ATG2A: variants seen among roughly 807,000 people sequenced by gnomAD.
ATG2A encodes the protein autophagy related 2A.
A neutral mutation model predicts 214.2 loss-of-function variants in ATG2A; 103 were observed. The ratio of observed to expected loss-of-function variants is 0.48; its 90% confidence interval spans 0.41 to 0.57. ATG2A has a LOEUF of 0.57. Ranked by LOEUF, ATG2A falls within the 20% of genes least tolerant of loss-of-function variation. The pLI is 0.00. For missense variants in ATG2A, 2,312 were observed against 2,613.2 expected (o/e 0.88, Z 2.51); for synonymous variants, 1,160 against 1,142.1 (o/e 1.02, Z -0.32).
At chr11:64,901,181 C>T in intron 29 of ATG2A, 89 bp from the exon 30 acceptor site, 1 of 1,318,796 alleles carries the variant, frequency 7.6e-7, no homozygotes, top group Non-Finnish European at 1.0e-6. Context: ...ACTTCTTTTT[C>T]ATTTTTTTTT....
In ATG2A at chr11:64,902,496, T is replaced by C. The variant is rs1407587853; in HGVS notation, c.3777+20A>G. On this transcript the variant is annotated intron_variant, in intron 27 of 40. Transcript: ENST00000377264. ...CCTGGCCGAGCTCTGGTAGCCTGTGTGGCCAGGCCTCACCTGTACCTTCTG... is the reference window on the plus strand; with the variant it reads ...CCTGGCCGAGCTCTGGTAGCCTGTGCGGCCAGGCCTCACCTGTACCTTCTG... The C allele has an allele frequency of 7.1e-7, 1 of 1,401,200 alleles. No homozygotes were observed. The highest frequency in any genetic ancestry group is 1.2e-5 in the South Asian group (1 of 81,650). The allele number at this position is 1,401,200 out of a possible 1,614,324, so 86.8% of individuals were successfully genotyped here. A position where few individuals can be genotyped will look rare whatever the true frequency, so the allele number is the denominator to read the frequency against.
intron 31 of ATG2A, among the ~76,000 whole-genome samples, chr11:64,899,648 C>T (rs1052114915): frequency 6.6e-5 from 10 of 152,088 alleles, no homozygotes; most frequent in South Asian, 2.1e-4. Context: ...ACACCCCATC[C>T]GCAGCTGAAC....
chr11:64,911,124 A>G lies in ATG2A; in HGVS notation c.1380T>C (p.Asp460=). 20 of 1,614,128 alleles carry G rather than the reference A, an allele frequency of 1.2e-5. No homozygotes were observed. Among genetic ancestry groups the G allele is most frequent in the Non-Finnish European group, 1.7e-5 (20 of 1,180,018 alleles). Residue 460 remains aspartate (D), a synonymous_variant, in exon 10 of 41, where the codon GAT becomes GAC. Coordinates refer to ENST00000377264, the MANE Select transcript of ATG2A (RefSeq NM_015104.3). The part of the protein sequence containing the change: ...DLATHFFTEF[D]ATKDGPFGSR... ...AACCGAAGGGCCCATCCTTGGTGGCATCAAACTCGGTGAAAAAGTGCGTGG... is the reference window on the plus strand; with the variant it reads ...AACCGAAGGGCCCATCCTTGGTGGCGTCAAACTCGGTGAAAAAGTGCGTGG...
intron 37 of ATG2A, 46 bp downstream of exon 37, chr11:64,897,366 G>A: frequency 6.5e-7 from 1 of 1,544,558 alleles, no homozygotes; most frequent in Non-Finnish European, 8.8e-7. Context: ...CAGAACAGAA[G>A]GAAGATCAGG....
Position 64,898,937 on chromosome 11 carries a change from A to G in ATG2A, c.4465-95T>C, listed in dbSNP as rs928846137. On this transcript the variant is annotated intron_variant, in intron 31 of 40. Transcript: ENST00000377264. This position sits in a 1 kb window ranked among gnomAD's most constrained non-coding sequence, Gnocchi z 4.5. ...CCCTTCTCTATTCTTTTTTTGAGAC[A>G]GAGTCTCACTCTGTCGCCCAGGTTG... The G allele has an allele frequency of 1.4e-5, 17 of 1,216,908 alleles. No individual in the cohort carries two copies. The highest frequency in any genetic ancestry group is 2.0e-5 in the Non-Finnish European group (17 of 869,720). The allele number at this position is 1,216,908 out of a possible 1,614,324, so 75.4% of individuals were successfully genotyped here.
In ATG2A at chr11:64,907,411, C is replaced by A; in HGVS notation, c.2676G>T (p.Ser892=). The A allele has an allele frequency of 6.3e-7, 1 of 1,588,686 alleles. No homozygotes were observed. Among genetic ancestry groups the A allele is most frequent in the East Asian group, 2.3e-5 (1 of 43,676 alleles). The change falls in exon 19 of 41, where the codon TCG becomes TCT. Residue 892 remains serine, a synonymous_variant. Coordinates refer to ENST00000377264, the MANE Select transcript of ATG2A (RefSeq NM_015104.3). The part of the protein sequence containing the change: ...LANCFDLTPD[S]DSDDEDAHFF... Reference sequence around the variant, plus strand: ...AGTGGGCATCCTCGTCATCCGAGTCCGAGTCTGGGGTGAGATCAAAGCAGT... The same window carrying A: ...AGTGGGCATCCTCGTCATCCGAGTCAGAGTCTGGGGTGAGATCAAAGCAGT...
rs891368075 is a variant in ATG2A at position 64,895,828 on chromosome 11, C to A, written c.5428-386G>T. On this transcript the variant is annotated intron_variant, in intron 39 of 40. Coordinates refer to ENST00000377264, the MANE Select transcript of ATG2A (RefSeq NM_015104.3). This position sits in a 1 kb window ranked among gnomAD's most constrained non-coding sequence, Gnocchi z 5.0. ...GATGGTCAGAGGCCCATCCTTCCTT[C>A]TGTCTGCCAGATCCTCTGCCCAGCA... Among the ~76,000 whole-genome samples, 5 of 152,140 alleles carry A rather than the reference C, an allele frequency of 3.3e-5. No homozygotes were observed. The highest frequency in any genetic ancestry group is 1.2e-4 in the African/African-American group (5 of 41,400).
At chr11:64,905,963 G>T in intron 22 of ATG2A, 115 bp from the exon 23 acceptor site, 2 of 1,371,472 alleles carry the variant, frequency 1.5e-6, no homozygotes, top group Non-Finnish European at 2.0e-6. Context: ...CTAGCTGTCT[G>T]CCACACCCCT....
At chr11:64,909,215 C>T in intron 15 of ATG2A, 56 bp downstream of exon 15, 2 of 1,610,290 alleles carry the variant, frequency 1.2e-6, no homozygotes, top group East Asian at 2.2e-5. Flanking sequence ...AACTGGCCCC[C>T]TGCCACCCCC....
In ATG2A at chr11:64,916,946, C is replaced by G. The variant is rs1043089003; in HGVS notation, c.171+19G>C. The G allele has an allele frequency of 6.2e-7, 1 of 1,612,104 alleles. No individual in the cohort carries two copies. Among genetic ancestry groups the G allele is most frequent in the Non-Finnish European group, 8.5e-7 (1 of 1,179,790 alleles). Reference sequence around the variant, plus strand: ...CTCCCACCCTCCGCACCTTCCTGGACTCGGGCCTGGCTCCTCACCCAGATT... The same window carrying G: ...CTCCCACCCTCCGCACCTTCCTGGAGTCGGGCCTGGCTCCTCACCCAGATT... On this transcript the variant is annotated intron_variant, in intron 1 of 40. Coordinates refer to ENST00000377264, the MANE Select transcript of ATG2A (RefSeq NM_015104.3).
Position 64,895,016 on chromosome 11 carries a change from T to C in ATG2A, c.5774A>G (p.Lys1925Arg), listed in dbSNP as rs374511988. The C allele has an allele frequency of 8.7e-6, 14 of 1,612,964 alleles. No homozygotes were observed. The highest frequency in any genetic ancestry group is 1.7e-5 in the Admixed American group (1 of 59,974). The change falls in exon 41 of 41, where the codon AAG becomes AGG. Residue 1925 changes from lysine to arginine, a missense_variant. Coordinates refer to ENST00000377264, the MANE Select transcript of ATG2A (RefSeq NM_015104.3). The surrounding 1 kb of genome is among the most constrained non-coding windows in gnomAD (Gnocchi z 5.0). ...CGAGCGCCACTTGAGGGCGTGGTCCTTGTGGGCGTCGGGGACAATCTGGTT... is the reference window on the plus strand; with the variant it reads ...CGAGCGCCACTTGAGGGCGTGGTCCCTGTGGGCGTCGGGGACAATCTGGTT... ...MRNQIVPDAH[K>R]DHALKWRSDS... is the part of the protein sequence containing the mutation.
At chr11:64,901,848 G>T (rs1443429616) in intron 29 of ATG2A, 114 bp downstream of exon 29, 12 of 1,251,102 alleles carry the variant, frequency 9.6e-6, no homozygotes, top group Non-Finnish European at 1.2e-5. Flanking sequence ...CCTCCTGCCT[G>T]CTTCTCTCAC....
At chr11:64,904,129 C>T (rs1349260073) in intron 24 of ATG2A, among the ~76,000 whole-genome samples, 1 of 151,774 alleles carries the variant, frequency 6.6e-6, no homozygotes, top group Non-Finnish European at 1.5e-5. Flanking sequence ...GCCTGTAATC[C>T]CAGCTACTTG....
rs1296258407 is a variant in ATG2A at position 64,897,470 on chromosome 11, C to T, written c.5092G>A (p.Gly1698Ser). The part of the protein sequence containing the change: ...QVGTFAGLLI[G>S]LAQLNCSELK... Reference sequence around the variant, plus strand: ...TCGGAGCAGTTGAGTTGGGCCAGGCCGATGAGGAGGCCAGCAAAAGTGCCC... The same window carrying T: ...TCGGAGCAGTTGAGTTGGGCCAGGCTGATGAGGAGGCCAGCAAAAGTGCCC... The change falls in exon 37 of 41, where the codon GGC (glycine) becomes AGC (serine). Residue 1698 changes from glycine to serine, a missense_variant. Transcript: ENST00000377264. 9.5e-6 allele frequency: 15 copies of T among 1,577,628 alleles called. No homozygotes were observed. Among genetic ancestry groups the T allele is most frequent in the Non-Finnish European group, 1.3e-5 (15 of 1,161,526 alleles).
chr11:64,911,844 G>A lies in ATG2A; in HGVS notation c.1226C>T (p.Ala409Val). 6.2e-7 allele frequency: 1 copy of A among 1,612,900 alleles called. No individual in the cohort carries two copies. Among genetic ancestry groups the A allele is most frequent in the Non-Finnish European group, 8.5e-7 (1 of 1,179,932 alleles). The change falls in exon 9 of 41, where the codon GCT (alanine) becomes GTT (valine). Residue 409 changes from alanine to valine, a missense_variant and splice_region_variant. Coordinates refer to ENST00000377264, the MANE Select transcript of ATG2A (RefSeq NM_015104.3). ...SRRLSAQAHP[A>V]GKMAPNPLLD... Reference sequence around the variant, plus strand: ...ACCCCCAGGGTGCTCCAACTCACCAGCTGGGTGGGCCTGGGCAGAGAGCCG... The same window carrying A: ...ACCCCCAGGGTGCTCCAACTCACCAACTGGGTGGGCCTGGGCAGAGAGCCG...
Position 64,894,839 on chromosome 11 carries a change from G to A in ATG2A, c.*134C>T, listed in dbSNP as rs761259756. ...CCCCCTCTCACAGCAGATTGGCAAC[G>A]GGCAGGCTGGGAAGGCGTCCTTCAC... On this transcript the variant is annotated 3_prime_UTR_variant, in exon 41 of 41. Coordinates refer to ENST00000377264, the MANE Select transcript of ATG2A (RefSeq NM_015104.3). 1.2e-5 allele frequency: 13 copies of A among 1,082,384 alleles called. No individual in the cohort carries two copies. The highest frequency in any genetic ancestry group is 8.5e-5 in the Admixed American group (5 of 59,154). The allele number at this position is 1,082,384 out of a possible 1,614,324, so 67.0% of individuals were successfully genotyped here. A position where few individuals can be genotyped will look rare whatever the true frequency, so the allele number is the denominator to read the frequency against.
At chr11:64,896,345 G>A in intron 39 of ATG2A, 117 bp downstream of exon 39, 1 of 1,385,136 alleles carries the variant, frequency 7.2e-7, no homozygotes, top group Non-Finnish European at 9.7e-7. Flanking sequence ...ATAAAGTAGG[G>A]CTGTCATACC....
chr11:64,911,507 C>G (rs1565065356), intron 9 of ATG2A, among the ~76,000 whole-genome samples: 1 of 152,192 alleles, frequency 6.6e-6, no homozygotes. Flanking sequence ...TGTGATAAAG[C>G]ACCCAGCCTA....
rs1330734807 is a variant in ATG2A, at chr11:64,896,641, C to T, written c.5273-25G>A. On this transcript the variant is annotated intron_variant, in intron 38 of 40. Coordinates refer to ENST00000377264, the MANE Select transcript of ATG2A (RefSeq NM_015104.3). Reference sequence around the variant, plus strand: ...ACTAGGGGGAAGGAGCGCTCAGAGACACCCGAGGCTGCCCTGCCCCCACCT... The same window carrying T: ...ACTAGGGGGAAGGAGCGCTCAGAGATACCCGAGGCTGCCCTGCCCCCACCT... 5 of 1,609,252 alleles carry T rather than the reference C, an allele frequency of 3.1e-6. No homozygotes were observed. In the South Asian group the frequency reaches 5.5e-5, roughly 18 times the overall value.
Sources: allele counts gnomAD v4.1 joint callset (sites outside exome capture counted in the v4.1 genomes callset), GRCh38; gene constraint gnomAD v4.1.1; non-coding constraint Gnocchi (gnomAD v3.1); transcripts MANE v1.5; gene names NCBI Gene and HGNC (gene_info 2026-07-23, HGNC 2026-07-21).